TET3: variants seen among roughly 807,000 people sequenced by gnomAD.
The protein encoded by TET3 is tet methylcytosine dioxygenase 3.
TET3 carries 19 observed loss-of-function variants against 141.4 expected under a neutral mutation model. The observed-to-expected ratio is 0.13, with a 90% CI of 0.09 to 0.20. The LOEUF (loss-of-function observed/expected upper bound fraction) is 0.20. Ranked by LOEUF, TET3 falls within the 10% of genes least tolerant of loss-of-function variation. The pLI is 1.00. For missense variants in TET3, 1,874 were observed against 2,356.9 expected, an observed-to-expected ratio of 0.80 and a Z score of 4.24; for synonymous variants, 1,043 against 980.9, an observed-to-expected ratio of 1.06 and a Z score of -1.18.
At chr2:74,113,693 T>G in the TET3 span, among the ~76,000 whole-genome samples, 4 of 151,876 alleles carry the variant, frequency 2.6e-5, no homozygotes, top group Non-Finnish European at 5.9e-5. Flanking sequence ...GCAATCCCAT[T>G]TACAGTAGCT....
intron 4 of TET3, among the ~76,000 whole-genome samples, chr2:74,064,287 A>G (rs1207373677): frequency 6.6e-6 from 1 of 152,202 alleles, no homozygotes; most frequent in Non-Finnish European, 1.5e-5. Context: ...TGTTAGTATT[A>G]TGTGTGTTAA....
At chr2:74,026,703 C>T (rs561961914) in intron 3 of TET3, among the ~76,000 whole-genome samples, 84 of 151,136 alleles carry the variant, frequency 5.6e-4, no homozygotes, top group Non-Finnish European at 8.3e-4. Context: ...TTTATTGAAT[C>T]GCTCGCAAAC....
At chr2:74,117,928 T>A in the TET3 span, among the ~76,000 whole-genome samples, 1 of 152,068 alleles carries the variant, frequency 6.6e-6, no homozygotes, top group Non-Finnish European at 1.5e-5. Flanking sequence ...GTATTTTTAG[T>A]AGTGACGGGG....
At chr2:74,057,128 C>G (rs776575968) in intron 4 of TET3, among the ~76,000 whole-genome samples, 1 of 152,046 alleles carries the variant, frequency 6.6e-6, no homozygotes, top group Non-Finnish European at 1.5e-5. Context: ...CCAACAGTAC[C>G]GAAAAGGCTA....
intron 4 of TET3, among the ~76,000 whole-genome samples, chr2:74,049,528 G>A (rs1294095689): frequency 6.6e-6 from 1 of 152,148 alleles, no homozygotes; most frequent in African/African-American, 2.4e-5. Context: ...TTTAGGGAGT[G>A]TTCTGTAAAA....
rs556765965 is a variant in TET3 at position 74,016,637 on chromosome 2, G to A, written c.360+13471G>A. 2.9e-3 allele frequency among the ~76,000 whole-genome samples: 444 copies of A among 152,138 alleles called. 3 individuals carry two copies. The highest frequency in any genetic ancestry group is 1.0e-2 in the African/African-American group (414 of 41,500). On this transcript the variant is annotated intron_variant, in intron 3 of 11. Coordinates refer to ENST00000409262, the MANE Select transcript of TET3 (RefSeq NM_001287491.2). The stretch of plus-strand genomic sequence containing the variant: ...TTTGGGAGGCTGAGGCAGGAGAATC[G>A]CTTGAGCCTGGGAAGCGGAGGTTGC...
At chr2:74,074,266 G>C (rs912051033) in intron 5 of TET3, among the ~76,000 whole-genome samples, 4 of 152,136 alleles carry the variant, frequency 2.6e-5, no homozygotes, top group Non-Finnish European at 4.4e-5. Context: ...TGGAGGAAAA[G>C]GTATTTAGAA....
At chr2:74,088,111 C>T in intron 7 of TET3, 73 bp downstream of exon 7, 4 of 1,464,750 alleles carry the variant, frequency 2.7e-6, no homozygotes, top group Non-Finnish European at 3.7e-6. Flanking sequence ...AGACTGCAGG[C>T]AACCCTGGGG....
chr2:74,042,417 A>G (rs1461375120), intron 3 of TET3, among the ~76,000 whole-genome samples: 1 of 152,252 alleles, frequency 6.6e-6, no homozygotes, highest in African/African-American at 2.4e-5. Flanking sequence ...GCCACTGCTC[A>G]GTTACAGACA....
intron 6 of TET3, among the ~76,000 whole-genome samples, chr2:74,080,879 A>G (rs1224455218): frequency 2.0e-5 from 3 of 152,108 alleles, no homozygotes; most frequent in East Asian, 1.9e-4. Flanking sequence ...TAGTCTTCAC[A>G]CTCGGCTCAT....
intron 3 of TET3, among the ~76,000 whole-genome samples, chr2:74,017,681 T>C (rs1685805174): frequency 6.6e-6 from 1 of 152,250 alleles, no homozygotes; most frequent in African/African-American, 2.4e-5. Flanking sequence ...ATGTTGTCAA[T>C]ACTGCCGCAG....
chr2:74,059,493 G>C (rs1252377566), intron 4 of TET3, among the ~76,000 whole-genome samples: 1 of 152,224 alleles, frequency 6.6e-6, no homozygotes, highest in African/African-American at 2.4e-5. Context: ...GACCTGAGGT[G>C]ATCTGCCTGC....
Position 73,989,150 on chromosome 2 carries a change from C to T in TET3, c.303+2444C>T, listed in dbSNP as rs376940883. On this transcript the variant is annotated intron_variant, in intron 2 of 11. Transcript: ENST00000409262. Reference sequence around the variant, plus strand: ...AGGGTGGATGAGACCCCAAGACCAGCCCAGCATTTAGCAGATGCTGGGGAC... The same window carrying T: ...AGGGTGGATGAGACCCCAAGACCAGTCCAGCATTTAGCAGATGCTGGGGAC... Among the ~76,000 whole-genome samples, 16 of 152,138 alleles carry T rather than the reference C, an allele frequency of 1.1e-4. No individual in the cohort carries two copies. In the East Asian group the frequency reaches 1.4e-3, roughly 13 times the overall value.
chr2:74,134,613 C>CA, the TET3 span: 1 of 445,118 alleles, frequency 2.2e-6, no homozygotes. Flanking sequence ...CTCCCACTGC[C>CA]ATGGTAACAT....
chr2:74,021,495 G>A (rs547756447), intron 3 of TET3, among the ~76,000 whole-genome samples: 1 of 152,346 alleles, frequency 6.6e-6, no homozygotes, highest in Admixed American at 6.5e-5. Flanking sequence ...GCATATGGGA[G>A]GTGGGAAGAG....
the TET3 span, among the ~76,000 whole-genome samples, chr2:74,118,617 TAGTC>T: frequency 6.6e-5 from 10 of 152,296 alleles, no homozygotes; most frequent in East Asian, 1.3e-3. Context: ...ATATGTGGGT[TAGTC>T]AGAATGCTTA....
At chr2:74,021,576 C>T (rs950205089) in intron 3 of TET3, among the ~76,000 whole-genome samples, 1 of 152,202 alleles carries the variant, frequency 6.6e-6, no homozygotes, top group African/African-American at 2.4e-5. Flanking sequence ...GCCTTCCCCT[C>T]ATCTGCACTC....
chr2:74,015,699 G>T (rs1685692061), intron 3 of TET3, among the ~76,000 whole-genome samples: 1 of 151,994 alleles, frequency 6.6e-6, no homozygotes, highest in Non-Finnish European at 1.5e-5. Context: ...TTTGTATATA[G>T]ATTTTTTTGG....
intron 6 of TET3, among the ~76,000 whole-genome samples, chr2:74,085,097 C>T (rs918754383): frequency 1.3e-5 from 2 of 150,424 alleles, no homozygotes; most frequent in Admixed American, 6.6e-5. Context: ...TGCCACTAAA[C>T]GGTGTACTTT....
Sources: gnomAD v4.1 joint callset for allele counts (sites outside exome capture counted in the v4.1 genomes callset) on GRCh38, gnomAD v4.1.1 for gene constraint, MANE v1.5 for transcripts, NCBI Gene and HGNC (gene_info 2026-07-23, HGNC 2026-07-21) for gene names.